The following RC3H2 variants were observed in gnomAD, a reference collection of about 807,000 sequenced individuals.
RC3H2 encodes the protein roquin-2.
RC3H2 carries 31 observed loss-of-function variants against 133.3 expected under a neutral mutation model. That is an observed-to-expected ratio of 0.23 (90% CI 0.17 to 0.31). The LOEUF (loss-of-function observed/expected upper bound fraction) is 0.31. Among genes scored for constraint, RC3H2 ranks in the 10% least tolerant of loss-of-function variants. RC3H2 has a pLI of 1.00. For missense variants in RC3H2, 1,175 were observed against 1,437.2 expected, an observed-to-expected ratio of 0.82 and a Z score of 2.95; for synonymous variants, 517 against 502.2, an observed-to-expected ratio of 1.03 and a Z score of -0.40.
Position 122,905,300 on chromosome 9 carries a change from C to T in RC3H2, c.-258G>A. ...GGCCGCGACGGGGCCTCCTCCTCCT[C>T]CCTCCACCTCCGCCTCCTCCTCCTC... On this transcript the variant is annotated 5_prime_UTR_variant, in exon 1 of 21. Transcript: ENST00000357244. 1.0e-6 allele frequency: 1 copy of T among 977,744 alleles called. No homozygotes were observed. Among genetic ancestry groups the T allele is most frequent in the Non-Finnish European group, 1.2e-6 (1 of 822,454 alleles). 60.6% of individuals were successfully genotyped at this position (977,744 alleles called of 1,614,324 possible). A position where few individuals can be genotyped will look rare whatever the true frequency, so the allele number is the denominator to read the frequency against.
chr9:122,868,837 ATATGTGTGTGTGTGTGTGTG>A (rs1418563493), intron 9 of RC3H2, among the ~76,000 whole-genome samples: 1 of 122,934 alleles, frequency 8.1e-6, no homozygotes, highest in East Asian at 2.6e-4. Flanking sequence ...ATTCCCTCCT[ATATGTGTGTGTGTGTGTGTG>A]TGTGTGTGTG....
intron 10 of RC3H2, among the ~76,000 whole-genome samples, chr9:122,861,592 C>T (rs1830460158): frequency 6.6e-6 from 1 of 151,482 alleles, no homozygotes; most frequent in Non-Finnish European, 1.5e-5. Context: ...ATTGTATTTG[C>T]TTGTTTTAGT....
rs956326090 is a variant in RC3H2 at position 122,879,814 on chromosome 9, C to T, written c.1153G>A (p.Val385Ile). The T allele has an allele frequency of 6.2e-7, 1 of 1,614,102 alleles. No homozygotes were observed. Among genetic ancestry groups the T allele is most frequent in the Non-Finnish European group, 8.5e-7 (1 of 1,180,018 alleles). Reference protein sequence around the residue: ...ENAMVAVKTVVHGLVDFIQNY... With the variant: ...ENAMVAVKTVIHGLVDFIQNY... ...TGTATGAAGTCCACAAGGCCATGAA[C>T]TACTGTTTTAACAGCTACCATTGCA... Residue 385 changes from valine to isoleucine, a missense_variant, in exon 8 of 21, where the codon GTT (valine) becomes ATT (isoleucine). By Grantham distance (29) the Val-to-Ile change is conservative (BLOSUM62 3). This residue lies in a region of RC3H2 where 131 missense variants were observed against 154.2 expected (regional missense o/e 0.85). Coordinates refer to ENST00000357244, the MANE Select transcript of RC3H2 (RefSeq NM_001100588.3).
chr9:122,893,134 T>C (rs538129942), intron 2 of RC3H2, 108 bp from the exon 3 acceptor site: 3 of 1,355,348 alleles, frequency 2.2e-6, no homozygotes, highest in Middle Eastern at 2.6e-4. Context: ...TTATCATGCA[T>C]AGATAATACA....
chr9:122,871,150 G>A (rs1375647188), intron 9 of RC3H2, among the ~76,000 whole-genome samples: 1 of 152,168 alleles, frequency 6.6e-6, no homozygotes, highest in Non-Finnish European at 1.5e-5. Context: ...TTAAAGATAA[G>A]GGACAATGAG....
rs1829911908 is a variant in RC3H2 at position 122,848,406 on chromosome 9, A to T, written c.*1221T>A. 6.6e-6 allele frequency: 1 copy of T among 152,224 alleles called. No individual in the cohort carries two copies. Among genetic ancestry groups the T allele is most frequent in the Non-Finnish European group, 1.5e-5 (1 of 68,024 alleles). The allele number at this position is 152,224 out of a possible 1,614,324, so 9.4% of individuals were successfully genotyped here. ...ACAATACCTCCCACAAATCTGATGCATGACTTGTTGAACACATTGTATACT... is the reference window on the plus strand; with the variant it reads ...ACAATACCTCCCACAAATCTGATGCTTGACTTGTTGAACACATTGTATACT... On this transcript the variant is annotated 3_prime_UTR_variant, in exon 21 of 21. Coordinates refer to ENST00000357244, the MANE Select transcript of RC3H2 (RefSeq NM_001100588.3).
rs1170634041 is a variant in RC3H2, at chr9:122,847,559, A to G, written c.*2068T>C. The G allele has an allele frequency of 6.6e-6, 1 of 152,178 alleles. No individual in the cohort carries two copies. Among genetic ancestry groups the G allele is most frequent in the East Asian group, 1.9e-4 (1 of 5,202 alleles). 9.4% of individuals were successfully genotyped at this position (152,178 alleles called of 1,614,324 possible). On this transcript the variant is annotated 3_prime_UTR_variant, in exon 21 of 21. Coordinates refer to ENST00000357244, the MANE Select transcript of RC3H2 (RefSeq NM_001100588.3). The stretch of plus-strand genomic sequence containing the variant: ...AAATAAAGTACATTGGAAGCATTTC[A>G]AATGTAATAAGCACATATTTATAGA...
Position 122,851,062 on chromosome 9 carries a change from T to A in RC3H2, c.3380+19A>T. The A allele has an allele frequency of 6.2e-7, 1 of 1,613,084 alleles. No individual in the cohort carries two copies. The highest frequency in any genetic ancestry group is 1.1e-5 in the South Asian group (1 of 90,944). On this transcript the variant is annotated intron_variant, in intron 20 of 20. Transcript: ENST00000357244. ...ATGTCCTATGCCCACTGTTTATGAA[T>A]TTTCTGTCTAACACTCACAGAATCA...
At chr9:122,854,777 A>G (rs2131386159) in intron 15 of RC3H2, among the ~76,000 whole-genome samples, 162 bp from the exon 16 acceptor site, 1 of 152,326 alleles carries the variant, frequency 6.6e-6, no homozygotes, top group Admixed American at 6.5e-5. Context: ...ATGGAGGGAA[A>G]TGTTTTCCAT....
intron 9 of RC3H2, chr9:122,875,218 A>C: frequency 1.9e-6 from 3 of 1,551,172 alleles, no homozygotes; most frequent in Non-Finnish European, 2.6e-6. Flanking sequence ...AAAACTGAGA[A>C]GAGAAGCATG....
intron 1 of RC3H2, among the ~76,000 whole-genome samples, chr9:122,899,314 T>C (rs1393563026): frequency 3.3e-5 from 5 of 151,998 alleles, no homozygotes; most frequent in Non-Finnish European, 5.9e-5. Context: ...GGTCTTGAAC[T>C]CCTGACCTCA....
At chr9:122,900,315 A>G (rs1832607176) in intron 1 of RC3H2, among the ~76,000 whole-genome samples, 1 of 152,196 alleles carries the variant, frequency 6.6e-6, no homozygotes, top group Admixed American at 6.5e-5. Flanking sequence ...TTCTGACAGT[A>G]AATTATCAAC....
intron 9 of RC3H2, among the ~76,000 whole-genome samples, chr9:122,876,440 G>A (rs1004749470): frequency 6.6e-6 from 1 of 151,994 alleles, no homozygotes; most frequent in Non-Finnish European, 1.5e-5. Flanking sequence ...CCCGCCTGGT[G>A]AACATGGTGA....
intron 11 of RC3H2, 39 bp downstream of exon 11, chr9:122,859,878 A>G: frequency 3.5e-6 from 5 of 1,431,044 alleles, no homozygotes; most frequent in Non-Finnish European, 4.9e-6. Context: ...AAAGGAAACA[A>G]TGTTTCTTTT....
intron 2 of RC3H2, among the ~76,000 whole-genome samples, chr9:122,897,002 G>C (rs904049712): frequency 1.4e-5 from 2 of 138,266 alleles, no homozygotes; most frequent in Non-Finnish European, 3.0e-5. Context: ...CACCAGCCTG[G>C]GTGACAGAGT....
In RC3H2 at chr9:122,847,777, C is replaced by G. The variant is rs181699385; in HGVS notation, c.*1850G>C. 4.5e-4 allele frequency: 68 copies of G among 152,138 alleles called. No homozygotes were observed. The highest frequency in any genetic ancestry group is 1.3e-3 in the African/African-American group (54 of 41,520). The allele number at this position is 152,138 out of a possible 1,614,324, so 9.4% of individuals were successfully genotyped here. The stretch of plus-strand genomic sequence containing the variant: ...ATGGCAAAAAAGGTACAGTACTAAC[C>G]AAAGGAAACTAAGTCAAGGCTACTG... On this transcript the variant is annotated 3_prime_UTR_variant, in exon 21 of 21. Coordinates refer to ENST00000357244, the MANE Select transcript of RC3H2 (RefSeq NM_001100588.3).
chr9:122,890,228 G>A (rs1244909205), intron 4 of RC3H2, 84 bp downstream of exon 4: 1 of 936,490 alleles, frequency 1.1e-6, no homozygotes, highest in Non-Finnish European at 1.7e-6. Flanking sequence ...GACGGGTTGA[G>A]TCTCAGGATT....
At chr9:122,856,857 A>G (rs1046310483) in intron 13 of RC3H2, among the ~76,000 whole-genome samples, 11 of 152,240 alleles carry the variant, frequency 7.2e-5, no homozygotes, top group South Asian at 4.1e-4. Context: ...CATTTCCTGA[A>G]GCATAATTGT....
chr9:122,872,837 T>C (rs1314431535), intron 9 of RC3H2, among the ~76,000 whole-genome samples: 1 of 152,114 alleles, frequency 6.6e-6, no homozygotes, highest in Non-Finnish European at 1.5e-5. Context: ...ACACCAGCCT[T>C]GGCCTCCCAA....
Sources: gnomAD v4.1 joint callset for allele counts (sites outside exome capture counted in the v4.1 genomes callset) on GRCh38, gnomAD v4.1.1 for gene constraint, gnomAD v4.1.1 regional missense constraint, MANE v1.5 for transcripts, NCBI Gene and HGNC (gene_info 2026-07-23, HGNC 2026-07-21) for gene names.